The following RIPOR2 variants were observed in gnomAD, a reference collection of about 807,000 sequenced individuals.
RIPOR2 encodes the protein RHO family interacting cell polarization regulator 2.
RIPOR2 carries 39 observed loss-of-function variants against 114.5 expected under a neutral mutation model. The ratio of observed to expected loss-of-function variants is 0.34; its 90% CI spans 0.26 to 0.44. RIPOR2 has a LOEUF of 0.44. Among genes scored for constraint, RIPOR2 ranks in the 20% least tolerant of loss-of-function variants. The pLI is 1.00. For missense variants in RIPOR2, 1,007 were observed against 1,255.1 expected (o/e 0.80, Z 2.99); for synonymous variants, 445 against 484.4 (o/e 0.92, Z 1.07).
intron 1 of RIPOR2, chr6:25,041,705 C>G: frequency 1.7e-6 from 1 of 588,356 alleles, no homozygotes; most frequent in Non-Finnish European, 3.0e-6. Context: ...TACCAAAGTC[C>G]ATTGGAAAAC....
At chr6:24,856,638 C>T (rs574591080) in intron 8 of RIPOR2, among the ~76,000 whole-genome samples, 64 of 152,182 alleles carry the variant, frequency 4.2e-4, no homozygotes, top group Middle Eastern at 6.8e-3. Flanking sequence ...ATCTGTAATC[C>T]CAGCTACTCC....
chr6:25,024,071 C>A, intron 1 of RIPOR2: 1 of 769,378 alleles, frequency 1.3e-6, no homozygotes. Flanking sequence ...GGAGCAGTGC[C>A]CTTTATCTGG....
intron 17 of RIPOR2, 38 bp downstream of exon 17, chr6:24,830,471 T>C (rs749477050): frequency 7.8e-7 from 1 of 1,281,792 alleles, no homozygotes; most frequent in Non-Finnish European, 1.1e-6. Flanking sequence ...ACTCTCACAC[T>C]GAAGGACAGA....
chr6:24,898,016 C>T (rs1033271593), intron 1 of RIPOR2, among the ~76,000 whole-genome samples: 1 of 149,598 alleles, frequency 6.7e-6, no homozygotes, highest in African/African-American at 2.5e-5. Flanking sequence ...AGAGCCAGAC[C>T]CTGAAGAAAG....
At chr6:25,038,480 A>G (rs1434490766) in intron 1 of RIPOR2, among the ~76,000 whole-genome samples, 1 of 152,270 alleles carries the variant, frequency 6.6e-6, no homozygotes, top group Admixed American at 6.5e-5. Context: ...TAATCAGGTG[A>G]GCCCTTTAAA....
intron 1 of RIPOR2, among the ~76,000 whole-genome samples, chr6:24,990,559 C>T (rs935397797): frequency 6.6e-6 from 1 of 152,144 alleles, no homozygotes; most frequent in African/African-American, 2.4e-5. Flanking sequence ...GTTTAAAAGC[C>T]GCTGTTTCAA....
chr6:24,910,257 C>T (rs115930960), intron 1 of RIPOR2, among the ~76,000 whole-genome samples: 46 of 152,308 alleles, frequency 3.0e-4, no homozygotes, highest in African/African-American at 1.1e-3. Flanking sequence ...TCTCATCCTC[C>T]CATTCCACCT....
chr6:24,824,916 C>T (rs796923911), intron 19 of RIPOR2, among the ~76,000 whole-genome samples: 3 of 152,018 alleles, frequency 2.0e-5, no homozygotes, highest in South Asian at 2.1e-4. Context: ...AAGAAAATAA[C>T]CATGATATAT....
chr6:24,825,335 T>C lies in RIPOR2; in HGVS notation c.2759A>G (p.Glu920Gly). The C allele has an allele frequency of 6.4e-7, 1 of 1,551,946 alleles. No individual in the cohort carries two copies. Among genetic ancestry groups the C allele is most frequent in the Non-Finnish European group, 8.7e-7 (1 of 1,146,992 alleles). Reference sequence around the variant, plus strand: ...TAGCAGAGCCAGAGTCCTGAGTACTTCCTGCTGGGCCAGGAGGTTGCTGGG... The same window carrying C: ...TAGCAGAGCCAGAGTCCTGAGTACTCCCTGCTGGGCCAGGAGGTTGCTGGG... ...LAPSNLLAQQ[E>G]VLRTLALLLT... The change falls in exon 19 of 22, where the codon GAA becomes GGA. Residue 920 changes from glutamate to glycine, a missense_variant. By Grantham distance (98) the Glu-to-Gly change is moderately conservative. Transcript: ENST00000643898.
chr6:24,832,221 T>C, intron 16 of RIPOR2, 35 bp downstream of exon 16: 1 of 1,548,116 alleles, frequency 6.5e-7, no homozygotes, highest in African/African-American at 1.4e-5. Context: ...GTGTCATCAT[T>C]TACGTGAATA....
Position 24,955,648 on chromosome 6 carries a change from T to A in RIPOR2, c.77-79831A>T, listed in dbSNP as rs1181923394. Among the ~76,000 whole-genome samples the A allele has an allele frequency of 4.0e-5, 6 of 151,352 alleles. No individual in the cohort carries two copies. In the East Asian group the frequency reaches 7.8e-4, roughly 20 times the overall value. On this transcript the variant is annotated intron_variant, in intron 1 of 13. Coordinates refer to the RIPOR2 transcript ENST00000510784. ...TGCAGTTTCTTTTCTTCCCCTCTGT[T>A]ATAGTTGAAAACCTATCTCTTACTC... is the stretch of plus-strand genomic sequence containing the variant.
chr6:24,977,062 A>G (rs958373816), intron 1 of RIPOR2: 123 of 1,317,166 alleles, frequency 9.3e-5, no homozygotes, highest in Non-Finnish European at 1.2e-4. Context: ...ATTTGCTTGC[A>G]GTATCCCAGT....
chr6:25,023,167 T>C (rs1776415336), intron 1 of RIPOR2: 1 of 587,700 alleles, frequency 1.7e-6, no homozygotes, highest in Non-Finnish European at 3.3e-6. Context: ...AAGTCACAAT[T>C]ACAAATTATC....
intron 1 of RIPOR2, among the ~76,000 whole-genome samples, chr6:24,908,893 T>G (rs886602552): frequency 6.6e-6 from 1 of 152,254 alleles, no homozygotes; most frequent in African/African-American, 2.4e-5. Context: ...CCCTAGCGCA[T>G]GCTTTCGGTT....
chr6:24,965,875 T>A (rs965450888), intron 1 of RIPOR2, among the ~76,000 whole-genome samples: 3 of 152,214 alleles, frequency 2.0e-5, no homozygotes, highest in Non-Finnish European at 2.9e-5. Flanking sequence ...CTTTCAAACG[T>A]ACTCATCACA....
At chr6:24,932,829 T>C (rs577956924) in intron 1 of RIPOR2, among the ~76,000 whole-genome samples, 26 of 152,246 alleles carry the variant, frequency 1.7e-4, no homozygotes, top group Non-Finnish European at 2.1e-4. Flanking sequence ...AAACTCATTG[T>C]GCCAAAAGCT....
At chr6:24,847,719 G>T (rs1007396657) in intron 12 of RIPOR2, 130 of 1,536,804 alleles carry the variant, frequency 8.5e-5, no homozygotes, top group Non-Finnish European at 1.1e-4. Context: ...AGATGGGGGA[G>T]TTAGTGGGAA....
intron 12 of RIPOR2, among the ~76,000 whole-genome samples, chr6:24,846,300 C>CTTTTTTTT (rs1562253042): frequency 3.6e-5 from 4 of 111,320 alleles, no homozygotes; most frequent in Non-Finnish European, 3.8e-5. Flanking sequence ...TTTTCACCTG[C>CTTTTTTTT]CTTTTTTTTT....
chr6:24,975,783 C>T (rs2113562989), intron 1 of RIPOR2, among the ~76,000 whole-genome samples: 1 of 152,244 alleles, frequency 6.6e-6, no homozygotes, highest in East Asian at 1.9e-4. Context: ...TTGTACTAAT[C>T]ATTTCACAAT....
Sources: gnomAD v4.1 joint callset for allele counts (sites outside exome capture counted in the v4.1 genomes callset) on GRCh38, gnomAD v4.1.1 for gene constraint, MANE v1.5 for transcripts, NCBI Gene and HGNC (gene_info 2026-07-23, HGNC 2026-07-21) for gene names.